Variants in LGSN observed in about 807,000 individuals in gnomAD.
LGSN encodes lengsin.
A neutral mutation model predicts 19.5 loss-of-function variants in LGSN; 21 were observed. The ratio of observed to expected loss-of-function variants is 1.07; its 90% confidence interval spans 0.76 to 1.55. The LOEUF is 1.55. Ranked by LOEUF, LGSN falls within the 40% of genes most tolerant of loss-of-function variation. The pLI, the probability that LGSN is intolerant of heterozygous loss-of-function variation, is 0.00. For missense variants in LGSN, 673 were observed against 608.5 expected, an observed-to-expected ratio of 1.11 and a Z score of -1.12; for synonymous variants, 257 against 215.6, an observed-to-expected ratio of 1.19 and a Z score of -1.68.
the LGSN span, among the ~76,000 whole-genome samples, chr6:63,530,509 T>A: frequency 1.7e-4 from 26 of 152,280 alleles, no homozygotes; most frequent in Admixed American, 1.4e-3. Flanking sequence ...TCACACAGGC[T>A]ATTTACTGCA....
the LGSN span, among the ~76,000 whole-genome samples, chr6:63,367,158 A>G: frequency 2.6e-5 from 4 of 152,236 alleles, no homozygotes; most frequent in Admixed American, 6.5e-5. Context: ...CAGGCAACCT[A>G]CAGAATGGGA....
chr6:63,529,660 T>C, the LGSN span, among the ~76,000 whole-genome samples: 1 of 152,222 alleles, frequency 6.6e-6, no homozygotes, highest in Non-Finnish European at 1.5e-5. Context: ...CCTGTTTGCA[T>C]AAAATGAAAG....
chr6:63,384,692 T>C, the LGSN span, among the ~76,000 whole-genome samples: 1 of 152,150 alleles, frequency 6.6e-6, no homozygotes, highest in Admixed American at 6.5e-5. Context: ...TAATTTTGTA[T>C]TTTTAGTAGA....
chr6:63,507,581 T>C, the LGSN span, among the ~76,000 whole-genome samples: 1 of 152,122 alleles, frequency 6.6e-6, no homozygotes, highest in African/African-American at 2.4e-5. Context: ...TCCAGTAAAA[T>C]ATCCAAAGCC....
At chr6:63,420,973 T>TA in the LGSN span, among the ~76,000 whole-genome samples, 1 of 151,896 alleles carries the variant, frequency 6.6e-6, no homozygotes, top group African/African-American at 2.4e-5. Flanking sequence ...ATTTTAGAAT[T>TA]AAAAAATACA....
At chr6:63,471,886 CA>C in the LGSN span, among the ~76,000 whole-genome samples, 1 of 151,986 alleles carries the variant, frequency 6.6e-6, no homozygotes, top group Non-Finnish European at 1.5e-5. Context: ...TACAATAAGA[CA>C]AAAAGAGATC....
the LGSN span, among the ~76,000 whole-genome samples, chr6:63,568,487 A>C: frequency 1.3e-5 from 2 of 152,206 alleles, no homozygotes; most frequent in Non-Finnish European, 2.9e-5. Flanking sequence ...TAACAATATC[A>C]AAGATCACTG....
the LGSN span, among the ~76,000 whole-genome samples, chr6:63,501,966 C>G: frequency 6.6e-6 from 1 of 152,100 alleles, no homozygotes; most frequent in African/African-American, 2.4e-5. Flanking sequence ...CAGCTATTTT[C>G]TTTTCAGTTT....
the LGSN span, among the ~76,000 whole-genome samples, chr6:63,365,264 G>A: frequency 9.9e-5 from 15 of 152,062 alleles, no homozygotes; most frequent in East Asian, 3.9e-4. Flanking sequence ...TATCACCATC[G>A]ATCCCACAGA....
chr6:63,493,490 T>A, the LGSN span, among the ~76,000 whole-genome samples: 1 of 151,458 alleles, frequency 6.6e-6, no homozygotes. Context: ...TGTCCAGATG[T>A]TCAGTTTAAA....
At chr6:63,301,566 A>G (rs1054236954) in intron 1 of LGSN, among the ~76,000 whole-genome samples, 1 of 152,164 alleles carries the variant, frequency 6.6e-6, no homozygotes, top group African/African-American at 2.4e-5. Flanking sequence ...AGGTGAATGT[A>G]TTTGTTTATA....
the LGSN span, among the ~76,000 whole-genome samples, chr6:63,332,366 A>G: frequency 3.3e-5 from 5 of 152,192 alleles, no homozygotes; most frequent in African/African-American, 1.2e-4. Flanking sequence ...CCCAGGGGGC[A>G]AGGGTCAGGA....
chr6:63,362,039 T>C, the LGSN span, among the ~76,000 whole-genome samples: 1 of 152,204 alleles, frequency 6.6e-6, no homozygotes, highest in South Asian at 2.1e-4. Context: ...AGGGAGCAAC[T>C]TGATCTTGTC....
At chr6:63,485,615 C>A in the LGSN span, among the ~76,000 whole-genome samples, 1 of 152,198 alleles carries the variant, frequency 6.6e-6, no homozygotes, top group Non-Finnish European at 1.5e-5. Flanking sequence ...GCCTCACTGC[C>A]TTCCACAATA....
the LGSN span, among the ~76,000 whole-genome samples, chr6:63,454,533 C>A: frequency 7.4e-6 from 1 of 135,168 alleles, no homozygotes. Flanking sequence ...AGTGCAGTGG[C>A]GTGATCTCAG....
At chr6:63,485,838 C>T in the LGSN span, among the ~76,000 whole-genome samples, 19 of 152,130 alleles carry the variant, frequency 1.2e-4, no homozygotes, top group Non-Finnish European at 2.2e-4. Context: ...AAGTGAGTCT[C>T]CTGCCTCAGC....
the LGSN span, among the ~76,000 whole-genome samples, chr6:63,407,924 T>C: frequency 6.6e-6 from 1 of 152,164 alleles, no homozygotes; most frequent in African/African-American, 2.4e-5. Flanking sequence ...GAACTCCCAT[T>C]CACAACTGCT....
chr6:63,560,804 C>T, the LGSN span, among the ~76,000 whole-genome samples: 4 of 152,290 alleles, frequency 2.6e-5, no homozygotes, highest in South Asian at 8.3e-4. Flanking sequence ...CTATGCTTAT[C>T]TCCTCTCAGA....
At chr6:63,404,086 G>C in the LGSN span, among the ~76,000 whole-genome samples, 1 of 152,068 alleles carries the variant, frequency 6.6e-6, no homozygotes, top group Admixed American at 6.6e-5. Flanking sequence ...TCCCTGATGA[G>C]AATCCAGTCC....
Sources: gnomAD v4.1 joint callset for allele counts (sites outside exome capture counted in the v4.1 genomes callset) on GRCh38, gnomAD v4.1.1 for gene constraint, MANE v1.5 for transcripts, NCBI Gene and HGNC (gene_info 2026-07-23, HGNC 2026-07-21) for gene names.